GRHL1: variants seen among roughly 807,000 people sequenced by gnomAD.
The protein encoded by GRHL1 is grainyhead-like protein 1 homolog.
In GRHL1, 38 loss-of-function variants were observed where a neutral mutation model predicts 75.7. That is an observed-to-expected ratio of 0.50 (90% CI 0.39 to 0.66). The LOEUF (loss-of-function observed/expected upper bound fraction) is 0.66. GRHL1 is among the 30% of genes least tolerant of loss of function. The pLI, the probability that GRHL1 is intolerant of heterozygous loss-of-function variation, is 0.00. For synonymous variants in GRHL1, 266 were observed against 279.4 expected, an observed-to-expected ratio of 0.95 and a Z score of 0.48; for missense variants, 589 against 767.5, an observed-to-expected ratio of 0.77 and a Z score of 2.75.
intron 2 of GRHL1, among the ~76,000 whole-genome samples, chr2:9,955,819 C>G (rs1326363835): frequency 6.6e-6 from 1 of 152,388 alleles, no homozygotes; most frequent in East Asian, 1.9e-4. Flanking sequence ...CTTTCTAATG[C>G]AGCGTGCATA....
In GRHL1 at chr2:9,999,031, T is replaced by A; in HGVS notation, c.1742+2T>A. 6.5e-7 allele frequency: 1 copy of A among 1,542,282 alleles called. No individual in the cohort carries two copies. ...AATATTCAAGAAGTGTAAAAAGGGG[T>A]AAGCAGCCACTGCGTCCTGTGTACC... On this transcript the variant is annotated splice_donor_variant, in intron 15 of 15. Transcript: ENST00000324907. LOFTEE classifies it high-confidence loss of function.
intron 14 of GRHL1, among the ~76,000 whole-genome samples, chr2:9,998,618 A>ATG (rs1226688813): frequency 7.9e-5 from 3 of 38,180 alleles, no homozygotes; most frequent in African/African-American, 5.9e-4. Flanking sequence ...ATACATATAT[A>ATG]TGTACACATA....
At chr2:9,999,479 G>A (rs565636198) in intron 15 of GRHL1, among the ~76,000 whole-genome samples, 3 of 152,342 alleles carry the variant, frequency 2.0e-5, no homozygotes, top group South Asian at 4.1e-4. Flanking sequence ...CACGTCCCAC[G>A]GTGCTGCGCT....
In GRHL1 at chr2:9,961,255, C is replaced by T; in HGVS notation, c.488C>T (p.Pro163Leu). The T allele has an allele frequency of 3.7e-6, 6 of 1,614,180 alleles. No homozygotes were observed. Among genetic ancestry groups the T allele is most frequent in the Non-Finnish European group, 5.1e-6 (6 of 1,180,028 alleles). Residue 163 changes from proline to leucine, a missense_variant, in exon 4 of 16, where the codon CCA becomes CTA. Coordinates refer to ENST00000324907, the MANE Select transcript of GRHL1 (RefSeq NM_198182.3). The stretch of plus-strand genomic sequence containing the variant: ...CACTCCATCAAGACAGAAACCCAGC[C>T]ACATGGCTTCGCTGTGGGAATCCCC... ...PTHSIKTETQ[P>L]HGFAVGIPPA... is the part of the protein sequence containing the mutation.
At chr2:9,978,128 CGTG>C (rs1426004561) in intron 8 of GRHL1, among the ~76,000 whole-genome samples, 1 of 152,188 alleles carries the variant, frequency 6.6e-6, no homozygotes, top group African/African-American at 2.4e-5. Flanking sequence ...TCCCTCAACA[CGTG>C]GGAGTTATGG....
rs1486463688 is a variant in GRHL1, at chr2:9,998,548, G to GTATA, written c.1678-413_1678-410dup. ...CATATATATACGTATATATACATAT[G>GTATA]TATATATGTGTGTACATGTATATAT... On this transcript the variant is annotated intron_variant, in intron 14 of 15. Coordinates refer to ENST00000324907, the MANE Select transcript of GRHL1 (RefSeq NM_198182.3). 2.0e-4 allele frequency among the ~76,000 whole-genome samples: 2 copies of GTATA among 9,766 alleles called. 1 individual carries two copies. The highest frequency in any genetic ancestry group is 9.3e-4 in the African/African-American group (2 of 2,142). 6.4% of individuals were successfully genotyped at this position (9,766 alleles called of 152,430 possible).
Position 9,998,991 on chromosome 2 carries a change from T to C in GRHL1, c.1704T>C (p.His568=). The change falls in exon 15 of 16, where the codon CAT becomes CAC. Residue 568 remains histidine (H), a synonymous_variant. Transcript: ENST00000324907. ...TCTCAGACAAATACGATGTTCCCCA[T>C]GACAAGATTGGGAAAATATTCAAGA... ...EAISDKYDVP[H]DKIGKIFKKC... is the part of the protein sequence containing the mutation. 6.3e-7 allele frequency: 1 copy of C among 1,579,934 alleles called. No individual in the cohort carries two copies. The highest frequency in any genetic ancestry group is 1.4e-5 in the African/African-American group (1 of 73,136).
Position 9,992,122 on chromosome 2 carries a change from T to C in GRHL1, c.1437T>C (p.Phe479=). 6.2e-7 allele frequency: 1 copy of C among 1,613,520 alleles called. No individual in the cohort carries two copies. The highest frequency in any genetic ancestry group is 1.1e-5 in the South Asian group (1 of 90,904). Residue 479 remains phenylalanine (F), a synonymous_variant, in exon 11 of 16, where the codon TTT becomes TTC. Transcript: ENST00000324907. This position sits in a 1 kb window ranked among gnomAD's most constrained non-coding sequence, Gnocchi z 4.6. ...TCCTCTTCATTCCTGACGTGCACTT[T>C]GCCAACTTGCAGCGGGGCACTCATG... is the stretch of plus-strand genomic sequence containing the variant. The part of the protein sequence containing the change: ...QPVLFIPDVH[F]ANLQRGTHVL...
At chr2:9,976,500 T>C (rs1283852915) in intron 8 of GRHL1, among the ~76,000 whole-genome samples, 1 of 152,118 alleles carries the variant, frequency 6.6e-6, no homozygotes, top group Non-Finnish European at 1.5e-5. Flanking sequence ...TGGAGGTTCG[T>C]TGAGGCTGTG....
chr2:9,957,698 C>T (rs1026423741), intron 2 of GRHL1, among the ~76,000 whole-genome samples: 2 of 151,996 alleles, frequency 1.3e-5, no homozygotes, highest in Admixed American at 1.3e-4. Flanking sequence ...CGTGAGCCAC[C>T]GCGCCTGGCC....
At chr2:9,996,264 TC>T (rs1289008246) in intron 13 of GRHL1, 51 bp from the exon 14 acceptor site, 2 of 1,296,438 alleles carry the variant, frequency 1.5e-6, no homozygotes, top group Non-Finnish European at 2.2e-6. Context: ...GTGAACTGTA[TC>T]CTTTTTTTCC....
Position 10,000,821 on chromosome 2 carries a change from G to C in GRHL1, c.*114G>C, listed in dbSNP as rs563503493. On this transcript the variant is annotated 3_prime_UTR_variant, in exon 16 of 16. Transcript: ENST00000324907. ...TGTCGCCAGCACAGGTCTATGTCGAGGGAATGGGTTCCTTGCAGGTTGGAG... is the reference window on the plus strand; with the variant it reads ...TGTCGCCAGCACAGGTCTATGTCGACGGAATGGGTTCCTTGCAGGTTGGAG... The C allele has an allele frequency of 1.0e-4, 60 of 598,532 alleles. No homozygotes were observed. Among genetic ancestry groups the C allele is most frequent in the East Asian group, 9.7e-4 (35 of 36,088 alleles). 37.1% of individuals were successfully genotyped at this position (598,532 alleles called of 1,614,324 possible). A position where few individuals can be genotyped will look rare whatever the true frequency, so the allele number is the denominator to read the frequency against.
In GRHL1 at chr2:10,000,462, G is replaced by A. The variant is rs183412966; in HGVS notation, c.1743-131G>A. 25 of 642,582 alleles carry A rather than the reference G, an allele frequency of 3.9e-5. No homozygotes were observed. In the South Asian group the frequency reaches 4.9e-4, roughly 13 times the overall value. The allele number at this position is 642,582 out of a possible 1,614,324, so 39.8% of individuals were successfully genotyped here. On this transcript the variant is annotated intron_variant, in intron 15 of 15. Coordinates refer to ENST00000324907, the MANE Select transcript of GRHL1 (RefSeq NM_198182.3). The stretch of plus-strand genomic sequence containing the variant: ...CCCATTTTATAGATGAGGAAGTTGA[G>A]GCTTAAGGAGATTTAAATAATTTGC...
Position 9,964,250 on chromosome 2 carries a change from GT to G in GRHL1, c.924del (p.Phe308LeufsTer11). ...ISKVRSVIMV[V>X]FAEDKSREDQ... Reference sequence around the variant, plus strand: ...TCTTTCACAGAGTGTGATCATGGTGGTTTTTGCTGAAGACAAAAGCAGAGAA... The same window carrying G: ...TCTTTCACAGAGTGTGATCATGGTGGTTTTGCTGAAGACAAAAGCAGAGAA... On this transcript the variant is annotated frameshift_variant, in exon 7 of 16. Transcript: ENST00000324907. LOFTEE classifies it high-confidence loss of function. 2 of 1,606,196 alleles carry G rather than the reference GT, an allele frequency of 1.2e-6. No homozygotes were observed. The highest frequency in any genetic ancestry group is 1.7e-6 in the Non-Finnish European group (2 of 1,173,748).
Position 9,961,075 on chromosome 2 carries a change from C to A in GRHL1, c.308C>A (p.Pro103His), listed in dbSNP as rs1473397039. Reference sequence around the variant, plus strand: ...AGCATACCAATTGTGACAGAGCAGCCCCTCATCTCTGCTGGAGAAAACAGA... The same window carrying A: ...AGCATACCAATTGTGACAGAGCAGCACCTCATCTCTGCTGGAGAAAACAGA... ...RNSIPIVTEQPLISAGENRVQ... is the reference protein window; with the variant it reads ...RNSIPIVTEQHLISAGENRVQ... The change falls in exon 4 of 16, where the codon CCC (proline) becomes CAC (histidine). Residue 103 changes from proline to histidine, a missense_variant. Transcript: ENST00000324907. 6.4e-7 allele frequency: 1 copy of A among 1,554,656 alleles called. No homozygotes were observed. Among genetic ancestry groups the A allele is most frequent in the African/African-American group, 1.4e-5 (1 of 73,146 alleles).
intron 8 of GRHL1, among the ~76,000 whole-genome samples, chr2:9,969,921 C>T (rs1278088801): frequency 6.8e-6 from 1 of 147,892 alleles, no homozygotes; most frequent in African/African-American, 2.5e-5. Context: ...TGACTCACTG[C>T]AAGCTCCGCC....
At chr2:9,952,030 T>C (rs1044504643) in intron 1 of GRHL1, among the ~76,000 whole-genome samples, 177 bp downstream of exon 1, 12 of 151,726 alleles carry the variant, frequency 7.9e-5, no homozygotes, top group Non-Finnish European at 1.2e-4. Flanking sequence ...CCTGCCGTGC[T>C]CTTTGTTCGG....
intron 14 of GRHL1, among the ~76,000 whole-genome samples, chr2:9,996,804 C>G (rs1668879302): frequency 6.6e-6 from 1 of 152,192 alleles, no homozygotes; most frequent in Non-Finnish European, 1.5e-5. Flanking sequence ...AATTACTGAA[C>G]TTGCATCAAG....
In GRHL1 at chr2:9,995,936, T is replaced by C; in HGVS notation, c.1557T>C (p.Ser519=). 6.2e-7 allele frequency: 1 copy of C among 1,612,654 alleles called. No individual in the cohort carries two copies. The highest frequency in any genetic ancestry group is 1.1e-5 in the South Asian group (1 of 91,052). ...AAGATGACTTTGCTGTCCCTCCTTCTACCAAGCTGGCCCGGATAGAAGAAC... is the reference window on the plus strand; with the variant it reads ...AAGATGACTTTGCTGTCCCTCCTTCCACCAAGCTGGCCCGGATAGAAGAAC... ...GTEDDFAVPP[S]TKLARIEEPK... is the part of the protein sequence containing the mutation. The change falls in exon 13 of 16, where the codon TCT becomes TCC. Residue 519 remains serine, a synonymous_variant. Coordinates refer to ENST00000324907, the MANE Select transcript of GRHL1 (RefSeq NM_198182.3).
Sources: gnomAD v4.1 joint callset for allele counts (sites outside exome capture counted in the v4.1 genomes callset) on GRCh38, gnomAD v4.1.1 for gene constraint, Gnocchi (gnomAD v3.1) non-coding constraint, MANE v1.5 for transcripts, NCBI Gene and HGNC (gene_info 2026-07-23, HGNC 2026-07-21) for gene names.